The following CACNA2D4 variants were observed in gnomAD, a reference collection of about 807,000 sequenced individuals.
CACNA2D4 encodes calcium voltage-gated channel auxiliary subunit alpha2delta 4, also known as voltage-dependent calcium channel subunit alpha-2/delta-4.
Under a neutral mutation model 163.8 loss-of-function variants are expected in CACNA2D4, and 157 were observed. The observed-to-expected ratio is 0.96, with a 90% CI of 0.84 to 1.09. The LOEUF (loss-of-function observed/expected upper bound fraction) is 1.09. Among genes scored for constraint, CACNA2D4 ranks in the 50% least tolerant of loss-of-function variants. The pLI, the probability that CACNA2D4 is intolerant of heterozygous loss-of-function variation, is 0.00. For missense variants in CACNA2D4, 1,410 were observed against 1,479.9 expected (o/e 0.95, Z 0.78); for synonymous variants, 598 against 586.9 (o/e 1.02, Z -0.27).
At position 1,828,573 on chromosome 12, in the gene CACNA2D4, G is replaced by T. The variant is rs1864467690; in HGVS notation, c.2551+12166C>A. Among the ~76,000 whole-genome samples, 1 of 152,244 alleles carries T rather than the reference G, an allele frequency of 6.6e-6. No individual in the cohort carries two copies. The highest frequency in any genetic ancestry group is 6.5e-5 in the Admixed American group (1 of 15,292). ...CTTAAACAGCCTCACTGGTGCCTGA[G>T]CTTGTCGGCCTGTGTCACAGACTGC... On this transcript the variant is annotated intron_variant, in intron 26 of 37. Coordinates refer to ENST00000382722, the MANE Select transcript of CACNA2D4 (RefSeq NM_172364.5). The surrounding 1 kb of genome is among the most constrained non-coding windows in gnomAD (Gnocchi z 4.2).
intron 6 of CACNA2D4, 113 bp downstream of exon 6, chr12:1,907,327 G>A (rs1177777502): frequency 1.0e-6 from 1 of 970,228 alleles, no homozygotes; most frequent in Non-Finnish European, 1.5e-6. Context: ...TTTGGGATAG[G>A]AGGACCAGCC....
rs151121191 is a variant in CACNA2D4 at position 1,856,069 on chromosome 12, G to A, written c.2095C>T (p.Leu699Phe). 3,767 of 1,614,032 alleles carry A rather than the reference G, an allele frequency of 2.3e-3. 11 individuals carry two copies. Among genetic ancestry groups the A allele is most frequent in the South Asian group, 3.8e-3 (345 of 91,088 alleles). The change falls in exon 22 of 38, where the codon CTC becomes TTC. Residue 699 changes from leucine (L) to phenylalanine (F), a missense_variant. Leu to Phe is a conservative substitution (Grantham distance 22). Transcript: ENST00000382722. ...CGGATCATGGCCTCTAGCTGGCTGA[G>A]CTTCCGGTGGTCTGGGTCAATATCT... ...ITDIDPDHRK[L>F]SQLEAMIRFL... is the part of the protein sequence containing the mutation.
intron 18 of CACNA2D4, among the ~76,000 whole-genome samples, chr12:1,862,237 G>A (rs575240357): frequency 6.6e-6 from 1 of 152,258 alleles, no homozygotes; most frequent in Non-Finnish European, 1.5e-5. Flanking sequence ...AAAAATCTAG[G>A]AATGGAATCT....
chr12:1,858,125 A>G (rs963354518), intron 20 of CACNA2D4, among the ~76,000 whole-genome samples: 5 of 152,174 alleles, frequency 3.3e-5, no homozygotes, highest in Admixed American at 2.6e-4. Flanking sequence ...ACCGTGAGAG[A>G]ATACATGTCT....
chr12:1,909,482 C>T (rs1272880902), intron 4 of CACNA2D4, among the ~76,000 whole-genome samples: 4 of 152,368 alleles, frequency 2.6e-5, no homozygotes, highest in Middle Eastern at 3.4e-3. Context: ...GCGTGAGCCA[C>T]CGCGCCTGGG....
Position 1,811,722 on chromosome 12 carries a change from G to A in CACNA2D4, c.2553C>T (p.Ala851=), listed in dbSNP as rs570352256. The change falls in exon 27 of 38, where the codon GCC becomes GCT. Residue 851 remains alanine (A), a splice_region_variant and synonymous_variant. Transcript: ENST00000382722. Reference sequence around the variant, plus strand: ...ATTCCAGCTTCATTTGGACGCCCGCGGCTACAGGGCAGAAAGAGAGAGGGC... The same window carrying A: ...ATTCCAGCTTCATTTGGACGCCCGCAGCTACAGGGCAGAAAGAGAGAGGGC... ...TVDKRTAIAA[A]AGVQMKLEFL... is the part of the protein sequence containing the mutation. 2.8e-5 allele frequency: 43 copies of A among 1,558,678 alleles called. No homozygotes were observed. The highest frequency in any genetic ancestry group is 1.5e-4 in the South Asian group (13 of 84,384).
intron 26 of CACNA2D4, among the ~76,000 whole-genome samples, chr12:1,815,007 G>A (rs772850505): frequency 2.0e-5 from 3 of 151,968 alleles, no homozygotes; most frequent in Admixed American, 6.6e-5. Flanking sequence ...CTCCTGCCTC[G>A]GCCTCCCTAG....
intron 26 of CACNA2D4, 66 bp downstream of exon 26, chr12:1,840,673 A>T: frequency 7.3e-7 from 1 of 1,363,156 alleles, no homozygotes; most frequent in Non-Finnish European, 1.0e-6. Flanking sequence ...TTCTGCTGTG[A>T]TCTATGCCTT....
intron 18 of CACNA2D4, among the ~76,000 whole-genome samples, chr12:1,864,714 T>G (rs1000191642): frequency 2.6e-5 from 4 of 152,210 alleles, no homozygotes; most frequent in African/African-American, 9.6e-5. Flanking sequence ...TCCGAACTGG[T>G]TGCCTTCCAC....
chr12:1,859,344 G>A (rs1349734271), intron 19 of CACNA2D4, among the ~76,000 whole-genome samples: 1 of 152,150 alleles, frequency 6.6e-6, no homozygotes, highest in African/African-American at 2.4e-5. Flanking sequence ...GAGACGGGGT[G>A]AGATCCTGTC....
At chr12:1,854,468 T>C (rs544937624) in intron 22 of CACNA2D4, among the ~76,000 whole-genome samples, 5 of 152,120 alleles carry the variant, frequency 3.3e-5, no homozygotes, top group African/African-American at 1.2e-4. Flanking sequence ...TACAGTGGCA[T>C]GATCTTGGCT....
intron 6 of CACNA2D4, among the ~76,000 whole-genome samples, chr12:1,898,311 A>G (rs960842419): frequency 2.0e-5 from 3 of 152,142 alleles, no homozygotes; most frequent in Non-Finnish European, 2.9e-5. Context: ...GGGAGCAAAT[A>G]TTTGTAAATC....
chr12:1,897,233 G>A (rs1866431003), intron 6 of CACNA2D4, among the ~76,000 whole-genome samples: 1 of 152,240 alleles, frequency 6.6e-6, no homozygotes, highest in South Asian at 2.1e-4. Context: ...AATGTGTGTG[G>A]GTGAGTGGGG....
At chr12:1,803,321 A>G (rs1863401746) in intron 29 of CACNA2D4, among the ~76,000 whole-genome samples, 1 of 152,224 alleles carries the variant, frequency 6.6e-6, no homozygotes, top group South Asian at 2.1e-4. Context: ...CTCTCAAATA[A>G]GAGATGATGG....
chr12:1,813,279 T>C (rs529422858), intron 26 of CACNA2D4, among the ~76,000 whole-genome samples: 53 of 152,282 alleles, frequency 3.5e-4, no homozygotes, highest in Admixed American at 1.2e-3. Context: ...CCCCCAGAGT[T>C]TCTCCTTCAG....
intron 26 of CACNA2D4, among the ~76,000 whole-genome samples, chr12:1,839,466 G>A (rs528199293): frequency 6.6e-6 from 1 of 152,370 alleles, no homozygotes; most frequent in South Asian, 2.1e-4. Flanking sequence ...CTCTCATCAT[G>A]TAAGCCATGG....
At chr12:1,813,441 A>C (rs1863775636) in intron 26 of CACNA2D4, among the ~76,000 whole-genome samples, 1 of 152,206 alleles carries the variant, frequency 6.6e-6, no homozygotes, top group African/African-American at 2.4e-5. Flanking sequence ...GTGCTGTCCT[A>C]AACGGTAGCC....
chr12:1,907,378 G>C, intron 6 of CACNA2D4, 62 bp downstream of exon 6: 1 of 537,522 alleles, frequency 1.9e-6, no homozygotes, highest in Middle Eastern at 5.1e-4. Context: ...CATCTTCAGT[G>C]CCCCTATTAT....
At chr12:1,831,479 T>A in intron 26 of CACNA2D4, 1 of 1,613,948 alleles carries the variant, frequency 6.2e-7, no homozygotes. Context: ...AGTGTGACTG[T>A]AACCTGCGTG....
Sources: gnomAD v4.1 joint callset for allele counts (sites outside exome capture counted in the v4.1 genomes callset) on GRCh38, gnomAD v4.1.1 for gene constraint, Gnocchi (gnomAD v3.1) non-coding constraint, MANE v1.5 for transcripts, NCBI Gene and HGNC (gene_info 2026-07-23, HGNC 2026-07-21) for gene names.